Variants in DAB1 observed in about 807,000 individuals in gnomAD.
DAB1 encodes disabled homolog 1.
A neutral mutation model predicts 64.6 loss-of-function variants in DAB1; 15 were observed. The observed-to-expected ratio is 0.23, with a 90% confidence interval of 0.16 to 0.36. The LOEUF (loss-of-function observed/expected upper bound fraction) is 0.36, where lower values mean the gene tolerates loss of function less well. DAB1 is among the 10% of genes least tolerant of loss of function. DAB1 has a pLI of 1.00. For missense variants in DAB1, 596 were observed against 706.7 expected (o/e 0.84, Z 1.78); for synonymous variants, 235 against 251.9 (o/e 0.93, Z 0.64).
At chr1:57,035,327 C>T (rs540214433) in intron 9 of DAB1, among the ~76,000 whole-genome samples, 36 of 152,188 alleles carry the variant, frequency 2.4e-4, no homozygotes, top group African/African-American at 8.0e-4. Context: ...CAAATGGCTT[C>T]GGAGCATGAT....
intron 2 of DAB1, among the ~76,000 whole-genome samples, chr1:57,270,166 G>A (rs889946057): frequency 1.3e-5 from 2 of 152,182 alleles, no homozygotes; most frequent in Admixed American, 1.3e-4. Flanking sequence ...TGAGAGATGC[G>A]TGGTTACTGT....
chr1:58,468,322 T>C (rs1313824470), intron 3 of DAB1: 1 of 152,274 alleles, frequency 6.6e-6, no homozygotes, highest in Non-Finnish European at 1.5e-5. Context: ...TGTTACATAC[T>C]GTATGTATCA....
At chr1:58,385,572 G>A (rs969699716) in intron 3 of DAB1, among the ~76,000 whole-genome samples, 1 of 152,154 alleles carries the variant, frequency 6.6e-6, no homozygotes, top group Non-Finnish European at 1.5e-5. Context: ...AGAATTTTAC[G>A]AAACAGGTGG....
chr1:57,446,344 T>A (rs974074472), intron 7 of DAB1, among the ~76,000 whole-genome samples: 1 of 152,198 alleles, frequency 6.6e-6, no homozygotes, highest in Non-Finnish European at 1.5e-5. Flanking sequence ...ATGCCTGTAA[T>A]CCCAGCACTT....
intron 4 of DAB1, among the ~76,000 whole-genome samples, chr1:58,330,121 G>A (rs931881125): frequency 2.0e-5 from 3 of 152,284 alleles, no homozygotes; most frequent in African/African-American, 7.2e-5. Context: ...GTTCTTCAAG[G>A]AAATTAGAAG....
intron 3 of DAB1, among the ~76,000 whole-genome samples, chr1:58,373,248 T>G (rs948091152): frequency 4.0e-5 from 6 of 149,740 alleles, no homozygotes; most frequent in African/African-American, 7.3e-5. Context: ...TGTATACATG[T>G]GCCATGCTGG....
chr1:58,439,820 G>T (rs1644988438), intron 3 of DAB1, among the ~76,000 whole-genome samples: 3 of 152,206 alleles, frequency 2.0e-5, no homozygotes, highest in Non-Finnish European at 4.4e-5. Context: ...AGAGCTGGGG[G>T]TGATTAGACC....
rs552935388 is a variant in DAB1 at position 57,674,553 on chromosome 1, G to C, written n.552-24888C>G. Among the ~76,000 whole-genome samples, 8 of 152,092 alleles carry C rather than the reference G, an allele frequency of 5.3e-5. No homozygotes were observed. The South Asian group carries it at 1.3e-3, about 24-fold the overall frequency. ...CTGCTTTTCATCCTCCTTTCTCAGGGGTCAGCGGTCTTGTAGAAGCCATGA... is the reference window on the plus strand; with the variant it reads ...CTGCTTTTCATCCTCCTTTCTCAGGCGTCAGCGGTCTTGTAGAAGCCATGA... On this transcript the variant is annotated intron_variant and non_coding_transcript_variant, in intron 6 of 20. Coordinates refer to the DAB1 transcript ENST00000485760.
chr1:58,191,930 C>T (rs1657410351), intron 4 of DAB1, among the ~76,000 whole-genome samples: 1 of 152,140 alleles, frequency 6.6e-6, no homozygotes, highest in Non-Finnish European at 1.5e-5. Flanking sequence ...ATAAAAATAC[C>T]ACTGTGGAGA....
At chr1:57,037,574 ACT>A (rs1427680036) in intron 9 of DAB1, among the ~76,000 whole-genome samples, 1 of 152,264 alleles carries the variant, frequency 6.6e-6, no homozygotes, top group African/African-American at 2.4e-5. Context: ...TTGTAACTGC[ACT>A]AAGGTGGGTA....
chr1:56,997,383 A>G lies in DAB1; in HGVS notation c.*761T>C, dbSNP rs1036871541. 1 of 152,186 alleles carries G rather than the reference A, an allele frequency of 6.6e-6. No homozygotes were observed. The highest frequency in any genetic ancestry group is 1.5e-5 in the Non-Finnish European group (1 of 68,030). The allele number at this position is 152,186 out of a possible 1,614,324, so 9.4% of individuals were successfully genotyped here. On this transcript the variant is annotated 3_prime_UTR_variant, in exon 15 of 15. Coordinates refer to ENST00000371236, the MANE Select transcript of DAB1 (RefSeq NM_001365792.1). The stretch of plus-strand genomic sequence containing the variant: ...TTCTTCACCAGGATGCAGAATAGCT[A>G]AAGGACTGTTTTGGCAACATTCGTG...
chr1:58,215,110 T>C (rs971963246), intron 4 of DAB1, among the ~76,000 whole-genome samples: 1 of 152,162 alleles, frequency 6.6e-6, no homozygotes, highest in Non-Finnish European at 1.5e-5. Context: ...TTTTGTAAGG[T>C]TGACTTCTTT....
At chr1:57,600,669 C>A (rs963741385) in intron 7 of DAB1, among the ~76,000 whole-genome samples, 1 of 152,196 alleles carries the variant, frequency 6.6e-6, no homozygotes, top group South Asian at 2.1e-4. Context: ...CCTTTCCTAG[C>A]GCCTATAGAA....
chr1:58,237,865 T>C (rs1028337915), intron 4 of DAB1, among the ~76,000 whole-genome samples: 2 of 152,224 alleles, frequency 1.3e-5, no homozygotes, highest in Non-Finnish European at 2.9e-5. Flanking sequence ...GCACATGAGA[T>C]AATCATGATA....
intron 2 of DAB1, among the ~76,000 whole-genome samples, chr1:57,256,051 G>A (rs967579257): frequency 4.6e-5 from 7 of 152,286 alleles, no homozygotes; most frequent in South Asian, 2.1e-4. Context: ...TGCCCTGTGC[G>A]TTGTTATCAG....
intron 4 of DAB1, among the ~76,000 whole-genome samples, chr1:57,108,549 T>C (rs925631757): frequency 4.6e-5 from 7 of 152,200 alleles, no homozygotes; most frequent in African/African-American, 1.7e-4. Context: ...ATTATTGTCC[T>C]ATCTCCTTCA....
chr1:57,219,052 G>A (rs758882536), intron 2 of DAB1, among the ~76,000 whole-genome samples: 1 of 152,094 alleles, frequency 6.6e-6, no homozygotes, highest in African/African-American at 2.4e-5. Flanking sequence ...TTTTTCTATC[G>A]CATGGATAGA....
rs55922554 is a variant in DAB1 at position 58,294,865 on chromosome 1, CGTGTGTGTGT to C, written n.309+48477_309+48486del. On this transcript the variant is annotated intron_variant and non_coding_transcript_variant, in intron 4 of 20. Transcript: ENST00000485760. The stretch of plus-strand genomic sequence containing the variant: ...GCAAAATGGCATGCTTGGTCCAGAA[CGTGTGTGTGT>C]GTGTGTGTGTGTGTGTGTGTGTGTG... Among the ~76,000 whole-genome samples the C allele has an allele frequency of 1.7e-3, 239 of 137,716 alleles. 1 individual carries two copies. The highest frequency in any genetic ancestry group is 4.9e-3 in the African/African-American group (189 of 38,760). 90.3% of individuals were successfully genotyped at this position (137,716 alleles called of 152,430 possible).
chr1:58,076,142 G>T (rs1649627045), intron 5 of DAB1, among the ~76,000 whole-genome samples: 1 of 152,136 alleles, frequency 6.6e-6, no homozygotes, highest in Non-Finnish European at 1.5e-5. Flanking sequence ...TATAATAATA[G>T]TAACTAGCAC....
Sources: allele counts gnomAD v4.1 joint callset (sites outside exome capture counted in the v4.1 genomes callset), GRCh38; gene constraint gnomAD v4.1.1; transcripts MANE v1.5; gene names NCBI Gene and HGNC (gene_info 2026-07-23, HGNC 2026-07-21).